Variants in CFAP107 observed in about 807,000 individuals in gnomAD.
The protein encoded by CFAP107 is cilia and flagella associated protein 107.
the CFAP107 span, chr1:12,746,571 G>A: frequency 6.6e-7 from 1 of 1,506,858 alleles, no homozygotes; most frequent in Non-Finnish European, 9.2e-7. Flanking sequence ...TGGAGAGAGG[G>A]CTCAGAGGGA....
At chr1:12,759,276 A>G in the CFAP107 span, 2 of 1,606,612 alleles carry the variant, frequency 1.2e-6, no homozygotes, top group Middle Eastern at 1.7e-4. Context: ...CTTCGCTCCT[A>G]TCAGTAACGA....
the CFAP107 span, among the ~76,000 whole-genome samples, chr1:12,752,254 G>T: frequency 0.053 from 8,013 of 152,064 alleles, 682 homozygotes; most frequent in African/African-American, 0.18. Flanking sequence ...AAGGGTTATA[G>T]ACACCATGAC....
the CFAP107 span, among the ~76,000 whole-genome samples, chr1:12,757,335 CTTTTCTTTTCTCTTTTCTTTTCTTTCT>C: frequency 3.6e-5 from 3 of 82,888 alleles, no homozygotes; most frequent in African/African-American, 1.7e-4. Context: ...TTTTTCTTTT[CTTTTCTTTTCTCTTTTCTTTTCTTTCT>C]TTTTCTTTTT....
chr1:12,755,490 C>T, the CFAP107 span, among the ~76,000 whole-genome samples: 1 of 152,066 alleles, frequency 6.6e-6, no homozygotes, highest in African/African-American at 2.4e-5. Context: ...ATGAGGTGAC[C>T]AGGGGAGCCA....
chr1:12,759,107 C>A, the CFAP107 span, among the ~76,000 whole-genome samples: 1 of 152,162 alleles, frequency 6.6e-6, no homozygotes, highest in African/African-American at 2.4e-5. Context: ...GAACTAACTG[C>A]AGCCAGCTGG....
the CFAP107 span, among the ~76,000 whole-genome samples, chr1:12,752,555 TAA>T: frequency 2.2e-3 from 103 of 46,642 alleles, 1 homozygote; most frequent in African/African-American, 7.1e-3. Context: ...CGACTCTGTC[TAA>T]AAAAAAAAAA....
At chr1:12,750,244 G>T in the CFAP107 span, among the ~76,000 whole-genome samples, 3 of 152,004 alleles carry the variant, frequency 2.0e-5, no homozygotes, top group Admixed American at 6.6e-5. Flanking sequence ...ATTCACAAAA[G>T]AAAATAATAA....
At chr1:12,757,390 C>CT in the CFAP107 span, among the ~76,000 whole-genome samples, 11 of 131,744 alleles carry the variant, frequency 8.3e-5, no homozygotes, top group African/African-American at 2.0e-4. Flanking sequence ...TTTTTCTTTT[C>CT]TTTTTTTTTG....
chr1:12,761,940 C>G, the CFAP107 span: 1 of 152,186 alleles, frequency 6.6e-6, no homozygotes, highest in Non-Finnish European at 1.5e-5. Context: ...ATGGTCCTCG[C>G]CCAGGACAGG....
the CFAP107 span, among the ~76,000 whole-genome samples, chr1:12,757,837 C>T: frequency 2.2e-4 from 33 of 152,174 alleles, no homozygotes; most frequent in African/African-American, 7.7e-4. Context: ...CTTCCTCCTC[C>T]ATCTCCCACT....
At chr1:12,760,217 C>T in the CFAP107 span, among the ~76,000 whole-genome samples, 1 of 152,118 alleles carries the variant, frequency 6.6e-6, no homozygotes, top group Admixed American at 6.5e-5. Flanking sequence ...TGAAATTTGT[C>T]CTATCCACAA....
the CFAP107 span, among the ~76,000 whole-genome samples, chr1:12,751,827 A>G: frequency 6.6e-6 from 1 of 152,246 alleles, no homozygotes; most frequent in Non-Finnish European, 1.5e-5. Context: ...TGAACAATTT[A>G]TGCTAACAAT....
the CFAP107 span, among the ~76,000 whole-genome samples, chr1:12,747,269 A>G: frequency 6.6e-6 from 1 of 151,862 alleles, no homozygotes; most frequent in Non-Finnish European, 1.5e-5. Context: ...GGGCTTCACC[A>G]TGTTGGCCAG....
chr1:12,746,806 T>C, the CFAP107 span, among the ~76,000 whole-genome samples: 3 of 152,154 alleles, frequency 2.0e-5, no homozygotes, highest in Non-Finnish European at 4.4e-5. Context: ...AACAGGGGCA[T>C]TGAAAATACT....
the CFAP107 span, chr1:12,753,748 C>T: frequency 6.6e-6 from 1 of 151,882 alleles, no homozygotes; most frequent in Non-Finnish European, 1.5e-5. Context: ...TGGATGAGAC[C>T]TAAAACTACA....
chr1:12,749,409 C>T, the CFAP107 span, among the ~76,000 whole-genome samples: 40 of 152,214 alleles, frequency 2.6e-4, no homozygotes, highest in South Asian at 2.1e-4. Flanking sequence ...CCCAGGAGTT[C>T]GAGACCAGCT....
At chr1:12,759,359 G>C in the CFAP107 span, 1 of 1,614,024 alleles carries the variant, frequency 6.2e-7, no homozygotes, top group East Asian at 2.2e-5. Flanking sequence ...CCCCCACATC[G>C]CTACCTGATC....
At chr1:12,758,080 C>T in the CFAP107 span, among the ~76,000 whole-genome samples, 1 of 152,126 alleles carries the variant, frequency 6.6e-6, no homozygotes, top group Admixed American at 6.5e-5. Context: ...CCATGGAAAC[C>T]ACAGTAAAGG....
the CFAP107 span, chr1:12,755,639 C>T: frequency 8.7e-7 from 1 of 1,146,522 alleles, no homozygotes; most frequent in Non-Finnish European, 1.3e-6. Context: ...GGTAAGGGGA[C>T]CCAGCAGAAG....
Sources: allele counts gnomAD v4.1 joint callset (sites outside exome capture counted in the v4.1 genomes callset), GRCh38; gene constraint gnomAD v4.1.1; transcripts MANE v1.5; gene names NCBI Gene and HGNC (gene_info 2026-07-23, HGNC 2026-07-21).